Variants in LRRK1 observed in about 807,000 individuals in gnomAD.
LRRK1 encodes the protein leucine rich repeat kinase 1, also known as leucine-rich repeat serine/threonine-protein kinase 1.
A neutral mutation model predicts 209.1 loss-of-function variants in LRRK1; 113 were observed. The observed-to-expected ratio is 0.54, with a 90% CI of 0.46 to 0.63. LRRK1 has a LOEUF of 0.63. Among genes scored for constraint, LRRK1 ranks in the 30% least tolerant of loss-of-function variants. LRRK1 has a pLI of 0.00. For synonymous variants in LRRK1, 1,144 were observed against 1,099.7 expected (o/e 1.04, Z -0.80); for missense variants, 2,284 against 2,632.2 (o/e 0.87, Z 2.89).
At chr15:100,959,370 C>T (rs2042827222) in intron 2 of LRRK1, among the ~76,000 whole-genome samples, 1 of 152,182 alleles carries the variant, frequency 6.6e-6, no homozygotes, top group African/African-American at 2.4e-5. Context: ...ACCTACTCTG[C>T]AGGGGACAGT....
chr15:101,039,801 G>A (rs1407836807), intron 20 of LRRK1, among the ~76,000 whole-genome samples: 2 of 152,140 alleles, frequency 1.3e-5, no homozygotes, highest in Admixed American at 1.3e-4. Context: ...AATGGGTACT[G>A]AATTTTGTCC....
intron 3 of LRRK1, among the ~76,000 whole-genome samples, chr15:100,982,748 G>T (rs2031673122): frequency 6.6e-6 from 1 of 152,138 alleles, no homozygotes; most frequent in African/African-American, 2.4e-5. Flanking sequence ...TTCCCCCTTC[G>T]CAAGGCTGAC....
chr15:101,062,432 C>T (rs1477466231), intron 30 of LRRK1, 142 bp from the exon 31 acceptor site: 1 of 630,936 alleles, frequency 1.6e-6, no homozygotes, highest in East Asian at 2.7e-5. Context: ...CCATAAACAA[C>T]CCACCAGAAC....
In LRRK1 at chr15:101,076,115, G is replaced by A. The variant is rs2036977431; in HGVS notation, c.*7267G>A. Reference sequence around the variant, plus strand: ...AGTCAGAATTCTTACACAAGAGCCAGGACCGCACCCTGTAGACCTTCTGTC... The same window carrying A: ...AGTCAGAATTCTTACACAAGAGCCAAGACCGCACCCTGTAGACCTTCTGTC... On this transcript the variant is annotated 3_prime_UTR_variant, in exon 34 of 34. Coordinates refer to ENST00000388948, the MANE Select transcript of LRRK1 (RefSeq NM_024652.6). 1.3e-5 allele frequency: 2 copies of A among 152,142 alleles called. No homozygotes were observed. Among genetic ancestry groups the A allele is most frequent in the South Asian group, 4.1e-4 (2 of 4,822 alleles). 9.4% of individuals were successfully genotyped at this position (152,142 alleles called of 1,614,324 possible).
chr15:101,027,199 G>C lies in LRRK1; in HGVS notation c.2406-62G>C. The C allele has an allele frequency of 6.3e-7, 1 of 1,594,342 alleles. No homozygotes were observed. The highest frequency in any genetic ancestry group is 8.6e-7 in the Non-Finnish European group (1 of 1,169,054). On this transcript the variant is annotated intron_variant, in intron 17 of 33. Coordinates refer to ENST00000388948, the MANE Select transcript of LRRK1 (RefSeq NM_024652.6). The surrounding 1 kb of genome is among the most constrained non-coding windows in gnomAD (Gnocchi z 5.1). ...AGGACAAACCTCTCAGGGAAACAGA[G>C]AAGCAGCAGCGCTTCCTCGGAGTGG...
intron 27 of LRRK1, among the ~76,000 whole-genome samples, chr15:101,055,642 G>A (rs2035753196): frequency 6.6e-6 from 1 of 152,174 alleles, no homozygotes; most frequent in African/African-American, 2.4e-5. Flanking sequence ...TTAAGTCCCG[G>A]CCACAGGGTG....
At chr15:101,036,786 G>T (rs4965770) in intron 20 of LRRK1, among the ~76,000 whole-genome samples, 147,398 of 152,358 alleles carry the variant, frequency 0.97, 71,486 homozygotes, top group East Asian at 1. Context: ...CTCCTGAAGA[G>T]GCATCTGTGG....
chr15:100,932,389 C>CT (rs1373570403), intron 2 of LRRK1, among the ~76,000 whole-genome samples: 4 of 152,328 alleles, frequency 2.6e-5, no homozygotes, highest in African/African-American at 9.6e-5. Flanking sequence ...TATTGTACAA[C>CT]TTTTTTCCCT....
chr15:100,953,685 T>C (rs753000925), intron 2 of LRRK1, among the ~76,000 whole-genome samples: 1 of 152,182 alleles, frequency 6.6e-6, no homozygotes, highest in Non-Finnish European at 1.5e-5. Context: ...TTCCTTTCCT[T>C]TGGGTAAATA....
chr15:101,054,899 T>C (rs1596333973), intron 26 of LRRK1, 47 bp from the exon 27 acceptor site: 1 of 1,486,478 alleles, frequency 6.7e-7, no homozygotes, highest in African/African-American at 1.4e-5. Flanking sequence ...TTTGATTCTA[T>C]CAAAACTGAA....
At chr15:100,973,444 G>T (rs1344382039) in intron 2 of LRRK1, among the ~76,000 whole-genome samples, 1 of 152,180 alleles carries the variant, frequency 6.6e-6, no homozygotes, top group Non-Finnish European at 1.5e-5. Context: ...GGACAGCGTG[G>T]CTGAGACCCG....
At chr15:101,019,318 C>T (rs1267719474) in intron 12 of LRRK1, among the ~76,000 whole-genome samples, 2 of 152,004 alleles carry the variant, frequency 1.3e-5, no homozygotes, top group South Asian at 2.1e-4. Flanking sequence ...CTCATTATGA[C>T]GTTCTTTCAT....
chr15:100,933,036 T>G (rs1285814139), intron 2 of LRRK1, among the ~76,000 whole-genome samples: 1 of 152,218 alleles, frequency 6.6e-6, no homozygotes, highest in Non-Finnish European at 1.5e-5. Context: ...ACTCTTACTT[T>G]GCACCTTTAT....
intron 6 of LRRK1, among the ~76,000 whole-genome samples, chr15:100,993,341 G>T (rs1476644147): frequency 6.6e-6 from 1 of 152,022 alleles, no homozygotes; most frequent in Non-Finnish European, 1.5e-5. Context: ...TAGATATAGA[G>T]ATATATAGAT....
chr15:100,940,603 A>G (rs531381762), intron 2 of LRRK1, among the ~76,000 whole-genome samples: 20 of 152,178 alleles, frequency 1.3e-4, no homozygotes, highest in Admixed American at 3.9e-4. Flanking sequence ...GTTTTAGTTG[A>G]TTCTTGTTTG....
chr15:101,055,706 C>T (rs1468817455), intron 27 of LRRK1, among the ~76,000 whole-genome samples: 4 of 152,160 alleles, frequency 2.6e-5, no homozygotes, highest in Non-Finnish European at 5.9e-5. Flanking sequence ...AGCTGGCATC[C>T]CCTGGCAACT....
intron 2 of LRRK1, among the ~76,000 whole-genome samples, chr15:100,937,686 C>T (rs1028820868): frequency 2.0e-5 from 3 of 151,966 alleles, no homozygotes; most frequent in Non-Finnish European, 4.4e-5. Flanking sequence ...AGGCGCCCGC[C>T]ACCACGCCCG....
chr15:100,998,601 G>T (rs955318771), intron 6 of LRRK1, among the ~76,000 whole-genome samples: 1 of 127,262 alleles, frequency 7.9e-6, no homozygotes, highest in Non-Finnish European at 1.6e-5. Flanking sequence ...CTTGGAACAC[G>T]ATAGATAGGT....
chr15:101,022,711 G>A lies in LRRK1; in HGVS notation c.2067+114G>A. On this transcript the variant is annotated intron_variant, in intron 15 of 33. Transcript: ENST00000388948. This position sits in a 1 kb window ranked among gnomAD's most constrained non-coding sequence, Gnocchi z 4.0. The stretch of plus-strand genomic sequence containing the variant: ...TTCTCAGCCTGGTGTCCAAAGCTCA[G>A]GCCCTTTGCAGGAGCCACTGTGTAC... 4 of 740,790 alleles carry A rather than the reference G, an allele frequency of 5.4e-6. No individual in the cohort carries two copies. Among genetic ancestry groups the A allele is most frequent in the Non-Finnish European group, 8.7e-6 (4 of 460,452 alleles). 45.9% of individuals were successfully genotyped at this position (740,790 alleles called of 1,614,324 possible). A position where few individuals can be genotyped will look rare whatever the true frequency, so the allele number is the denominator to read the frequency against.
Sources: allele counts gnomAD v4.1 joint callset (sites outside exome capture counted in the v4.1 genomes callset), GRCh38; gene constraint gnomAD v4.1.1; non-coding constraint Gnocchi (gnomAD v3.1); transcripts MANE v1.5; gene names NCBI Gene and HGNC (gene_info 2026-07-23, HGNC 2026-07-21).